ORC1: variants seen among roughly 807,000 people sequenced by gnomAD.
ORC1 encodes origin recognition complex, subunit 1 homolog.
In ORC1, 61 loss-of-function variants were observed where a neutral mutation model predicts 98.9. The ratio of observed to expected loss-of-function variants is 0.62; its 90% CI spans 0.50 to 0.76. ORC1 has a LOEUF of 0.76. ORC1 is among the 30% of genes least tolerant of loss of function. The pLI is 0.00. For missense variants in ORC1, 979 were observed against 1,072.2 expected (o/e 0.91, Z 1.21); for synonymous variants, 385 against 406.9 (o/e 0.95, Z 0.65).
At chr1:52,389,431 T>C (rs902484072) in intron 6 of ORC1, 110 bp from the exon 7 acceptor site, 6 of 757,758 alleles carry the variant, frequency 7.9e-6, no homozygotes, top group African/African-American at 6.9e-5. Flanking sequence ...TTTTTATATA[T>C]ACTTTGAAAA....
chr1:52,400,581 A>G (rs1430941692), intron 3 of ORC1, among the ~76,000 whole-genome samples: 1 of 152,188 alleles, frequency 6.6e-6, no homozygotes, highest in Non-Finnish European at 1.5e-5. Flanking sequence ...CCTAATGACC[A>G]TGCCCTTCTT....
At chr1:52,377,788 T>C (rs935628899) in intron 14 of ORC1, among the ~76,000 whole-genome samples, 1 of 149,350 alleles carries the variant, frequency 6.7e-6, no homozygotes, top group African/African-American at 2.5e-5. Context: ...AGGAGCATGC[T>C]GAATTCCATG....
At chr1:52,394,826 T>C (rs945337525) in intron 5 of ORC1, among the ~76,000 whole-genome samples, 1 of 152,112 alleles carries the variant, frequency 6.6e-6, no homozygotes, top group Non-Finnish European at 1.5e-5. Flanking sequence ...TTTTTTGCAT[T>C]TTTAGTAGAG....
rs767710104 is a variant in ORC1 at position 52,384,584 on chromosome 1, G to A, written c.1721C>T (p.Thr574Met). The A allele has an allele frequency of 1.4e-5, 22 of 1,613,980 alleles. No individual in the cohort carries two copies. The highest frequency in any genetic ancestry group is 1.7e-5 in the Non-Finnish European group (20 of 1,180,002). The change falls in exon 11 of 17, where the codon ACG becomes ATG. Residue 574 changes from threonine (T) to methionine (M), a missense_variant. Physicochemically the swap from Thr to Met is moderately conservative, Grantham distance 81 (BLOSUM62 -1). Coordinates refer to ENST00000371568, the MANE Select transcript of ORC1 (RefSeq NM_004153.4). ...TTGCACATAGACTTGGTGGGGCTCCGTCAGCTTCATGCCATTGACCTCAAT... is the reference window on the plus strand; with the variant it reads ...TTGCACATAGACTTGGTGGGGCTCCATCAGCTTCATGCCATTGACCTCAAT... ...QYIEVNGMKL[T>M]EPHQVYVQIL...
At chr1:52,387,511 G>A (rs1203375781) in intron 8 of ORC1, among the ~76,000 whole-genome samples, 1 of 152,156 alleles carries the variant, frequency 6.6e-6, no homozygotes, top group Non-Finnish European at 1.5e-5. Flanking sequence ...AGGCTAGAGT[G>A]CTATGGTGCG....
At chr1:52,376,333 G>A (rs1172588788) in intron 14 of ORC1, among the ~76,000 whole-genome samples, 2 of 152,116 alleles carry the variant, frequency 1.3e-5, no homozygotes, top group Admixed American at 6.5e-5. Flanking sequence ...TGACCAACAT[G>A]GTGAAACCCT....
intron 3 of ORC1, among the ~76,000 whole-genome samples, chr1:52,400,843 T>C (rs1246889163): frequency 1.3e-5 from 2 of 152,230 alleles, no homozygotes; most frequent in Non-Finnish European, 2.9e-5. Flanking sequence ...AATGTCACCT[T>C]TTCTTCTAGC....
upstream of ORC1, among the ~76,000 whole-genome samples, chr1:52,407,404 T>C (rs1324003407): frequency 6.6e-6 from 1 of 152,146 alleles, no homozygotes; most frequent in Non-Finnish European, 1.5e-5. Context: ...CTTAGCACTT[T>C]CAATGCATTT....
intron 3 of ORC1, among the ~76,000 whole-genome samples, chr1:52,399,731 C>G (rs1426502733): frequency 6.6e-6 from 1 of 151,868 alleles, no homozygotes; most frequent in Admixed American, 6.6e-5. Flanking sequence ...CTGCTTGAAC[C>G]CAGGAGGTTG....
chr1:52,397,734 G>A lies in ORC1; in HGVS notation c.353C>T (p.Pro118Leu), dbSNP rs144124555. The change falls in exon 4 of 17, where the codon CCG (proline) becomes CTG (leucine). Residue 118 changes from proline to leucine, a missense_variant. By Grantham distance (98) the Pro-to-Leu change is moderately conservative. Coordinates refer to ENST00000371568, the MANE Select transcript of ORC1 (RefSeq NM_004153.4). The stretch of plus-strand genomic sequence containing the variant: ...CGCATTAATGTTGCTGTCACAGGCC[G>A]GGTAATCATACCAGAATATTTCCTG... Reference protein sequence around the residue: ...GAQEIFWYDYPACDSNINAET... With the variant: ...GAQEIFWYDYLACDSNINAET... 1.5e-5 allele frequency: 25 copies of A among 1,614,050 alleles called. No homozygotes were observed. Among genetic ancestry groups the A allele is most frequent in the Admixed American group, 8.3e-5 (5 of 59,998 alleles).
rs1402164600 is a variant in ORC1, at chr1:52,388,567, TAG to T, written c.1256_1257del (p.Ser419Ter). The T allele has an allele frequency of 6.2e-7, 1 of 1,614,054 alleles. No individual in the cohort carries two copies. ...EILPAAEISD[S>X]SSDEEEASTP... The stretch of plus-strand genomic sequence containing the variant: ...GTGGAAGCCTCTTCTTCGTCACTGC[TAG>T]AGTCTGAAATCTCTGCTGCTGGCAG... On this transcript the variant is annotated frameshift_variant, in exon 8 of 17. Transcript: ENST00000371568. LOFTEE classifies it high-confidence loss of function.
chr1:52,407,412 T>C (rs937733857), upstream of ORC1, among the ~76,000 whole-genome samples: 10 of 152,082 alleles, frequency 6.6e-5, no homozygotes, highest in African/African-American at 2.4e-4. Flanking sequence ...TTTCAATGCA[T>C]TTCTTGTTTA....
chr1:52,381,158 G>A (rs1387206323), intron 14 of ORC1, among the ~76,000 whole-genome samples: 1 of 152,100 alleles, frequency 6.6e-6, no homozygotes, highest in East Asian at 1.9e-4. Flanking sequence ...TGGAGGAGAG[G>A]GGCATCTAAT....
chr1:52,386,299 CAGAAG>C (rs1406382233), intron 8 of ORC1, among the ~76,000 whole-genome samples: 9 of 152,308 alleles, frequency 5.9e-5, no homozygotes, highest in Admixed American at 1.3e-4. Flanking sequence ...TGCCCAAATA[CAGAAG>C]AGAAGAGGAG....
chr1:52,386,328 TTG>T (rs1374662633), intron 8 of ORC1, among the ~76,000 whole-genome samples: 2 of 152,182 alleles, frequency 1.3e-5, no homozygotes, highest in African/African-American at 4.8e-5. Flanking sequence ...TAAACTAGGT[TTG>T]ATTCATTAGA....
chr1:52,379,966 T>C lies in ORC1; in HGVS notation c.2133+1676A>G, dbSNP rs144339622. On this transcript the variant is annotated intron_variant, in intron 14 of 16. Transcript: ENST00000371568. ...AACAAAAAAAACAAAGGAAATTTAT[T>C]CTCAAGCAAAGTTTAGCAAAAAGTC... Among the ~76,000 whole-genome samples, 20 of 152,194 alleles carry C rather than the reference T, an allele frequency of 1.3e-4. No homozygotes were observed. In the East Asian group the frequency reaches 3.7e-3, roughly 28 times the overall value.
At chr1:52,378,328 G>C (rs957563182) in intron 14 of ORC1, among the ~76,000 whole-genome samples, 3 of 147,392 alleles carry the variant, frequency 2.0e-5, no homozygotes, top group African/African-American at 7.9e-5. Flanking sequence ...CTGGGCAACA[G>C]AGTGAGACTC....
chr1:52,381,633 G>A lies in ORC1; in HGVS notation c.2133+9C>T, dbSNP rs757105270. ...GCTGACTGATTTATGGGTGCAGCTG[G>A]TGACTTACCTTCCTGGCTACCAGCT... On this transcript the variant is annotated intron_variant, in intron 14 of 16. Coordinates refer to ENST00000371568, the MANE Select transcript of ORC1 (RefSeq NM_004153.4). The A allele has an allele frequency of 5.6e-6, 9 of 1,611,778 alleles. No individual in the cohort carries two copies. In the East Asian group the frequency reaches 1.8e-4, roughly 32 times the overall value.
At chr1:52,399,204 T>C (rs1647574663) in intron 3 of ORC1, among the ~76,000 whole-genome samples, 1 of 152,144 alleles carries the variant, frequency 6.6e-6, no homozygotes, top group African/African-American at 2.4e-5. Context: ...AATTATAGCA[T>C]CAGGCTGGGT....
Sources: gnomAD v4.1 joint callset for allele counts (sites outside exome capture counted in the v4.1 genomes callset) on GRCh38, gnomAD v4.1.1 for gene constraint, MANE v1.5 for transcripts, NCBI Gene and HGNC (gene_info 2026-07-23, HGNC 2026-07-21) for gene names.